FARP1: variants seen among roughly 807,000 people sequenced by gnomAD.
FARP1 encodes the protein FERM, ARH/RhoGEF and pleckstrin domain protein 1.
FARP1 carries 52 observed loss-of-function variants against 128.8 expected under a neutral mutation model. The ratio of observed to expected loss-of-function variants is 0.40; its 90% CI spans 0.32 to 0.51. The LOEUF (loss-of-function observed/expected upper bound fraction) is 0.51, where lower values mean the gene tolerates loss of function less well. Among genes scored for constraint, FARP1 ranks in the 20% least tolerant of loss-of-function variants. The pLI is 0.45. For synonymous variants in FARP1, 580 were observed against 551.8 expected (o/e 1.05, Z -0.72); for missense variants, 1,333 against 1,367.9 (o/e 0.97, Z 0.40).
intron 5 of FARP1, among the ~76,000 whole-genome samples, chr13:98,374,725 A>G (rs1361818913): frequency 6.6e-6 from 1 of 152,212 alleles, no homozygotes; most frequent in Non-Finnish European, 1.5e-5. Flanking sequence ...AGGGTAATTT[A>G]TAAAGAAAAA....
intron 2 of FARP1, among the ~76,000 whole-genome samples, chr13:98,214,592 A>G (rs1880947476): frequency 6.6e-6 from 1 of 152,174 alleles, no homozygotes; most frequent in Non-Finnish European, 1.5e-5. Flanking sequence ...TCAGCGAATT[A>G]TATTTATTTC....
In FARP1 at chr13:98,332,709, G is replaced by A. The variant is rs550687952; in HGVS notation, c.172-11053G>A. The A allele has an allele frequency of 7.9e-5, 12 of 152,260 alleles. No homozygotes were observed. In the South Asian group the frequency reaches 2.5e-3, roughly 32 times the overall value. The allele number at this position is 152,260 out of a possible 1,614,324, so 9.4% of individuals were successfully genotyped here. A position where few individuals can be genotyped will look rare whatever the true frequency, so the allele number is the denominator to read the frequency against. On this transcript the variant is annotated intron_variant, in intron 2 of 26. Coordinates refer to ENST00000319562, the MANE Select transcript of FARP1 (RefSeq NM_005766.4). ...TCCCAACTGACTATTTGAAAAAAAT[G>A]TTAAAAAAGTAGTTTCTGTAGAAAG...
intron 14 of FARP1, among the ~76,000 whole-genome samples, 198 bp downstream of exon 14, chr13:98,409,723 C>G (rs1463886691): frequency 3.3e-5 from 5 of 152,202 alleles, no homozygotes; most frequent in Non-Finnish European, 7.3e-5. Context: ...CTTATCTTCC[C>G]AAACAGAAAC....
intron 18 of FARP1, chr13:98,434,477 A>T (rs1892174330): frequency 6.6e-6 from 1 of 152,208 alleles, no homozygotes; most frequent in African/African-American, 2.4e-5. Context: ...TGCTGGGGGA[A>T]AGCAGTGAAA....
rs193005274 is a variant in FARP1, at chr13:98,451,006, G to A, written c.*2689G>A. The stretch of plus-strand genomic sequence containing the variant: ...CCACTTGTTGCTCTACGGGGGAAGG[G>A]GCTGAGTATGATTTGTCTGGCGACT... On this transcript the variant is annotated 3_prime_UTR_variant, in exon 27 of 27. Transcript: ENST00000319562. 4 of 152,270 alleles carry A rather than the reference G, an allele frequency of 2.6e-5. No homozygotes were observed. Among genetic ancestry groups the A allele is most frequent in the Admixed American group, 6.5e-5 (1 of 15,286 alleles). The allele number at this position is 152,270 out of a possible 1,614,324, so 9.4% of individuals were successfully genotyped here. A position where few individuals can be genotyped will look rare whatever the true frequency, so the allele number is the denominator to read the frequency against.
chr13:98,431,311 C>T (rs1204007130), intron 18 of FARP1, 31 bp downstream of exon 18: 7 of 1,483,778 alleles, frequency 4.7e-6, no homozygotes, highest in South Asian at 1.2e-5. Flanking sequence ...CCACCTGGTG[C>T]CCATGCCACA....
chr13:98,431,593 C>T, intron 18 of FARP1: 1 of 203,496 alleles, frequency 4.9e-6, no homozygotes, highest in East Asian at 1.2e-4. Context: ...TCTGGAGCAG[C>T]TAGGATTACA....
At chr13:98,309,446 A>G (rs1179837322) in intron 2 of FARP1, among the ~76,000 whole-genome samples, 5 of 151,290 alleles carry the variant, frequency 3.3e-5, no homozygotes, top group East Asian at 2.0e-4. Flanking sequence ...TGGGATTACA[A>G]GCGTGAGCCA....
chr13:98,414,466 A>G (rs2140126637), intron 16 of FARP1, among the ~76,000 whole-genome samples: 1 of 152,288 alleles, frequency 6.6e-6, no homozygotes, highest in South Asian at 2.1e-4. Context: ...TCCAAGGGAA[A>G]AAGGCTGAGT....
intron 17 of FARP1, 134 bp downstream of exon 17, chr13:98,424,784 CCCA>C (rs1242372706): frequency 2.9e-6 from 2 of 680,118 alleles, no homozygotes; most frequent in Non-Finnish European, 5.4e-6. Flanking sequence ...GCTTGTCCAA[CCCA>C]CCGCCGAGCA....
At chr13:98,290,768 T>C (rs1885412586) in intron 2 of FARP1, among the ~76,000 whole-genome samples, 1 of 152,058 alleles carries the variant, frequency 6.6e-6, no homozygotes, top group Admixed American at 6.5e-5. Context: ...GCTGACAAGA[T>C]CTCCTAAAGA....
intron 2 of FARP1, among the ~76,000 whole-genome samples, chr13:98,222,728 T>G (rs916492627): frequency 2.0e-5 from 3 of 151,522 alleles, no homozygotes; most frequent in African/African-American, 7.3e-5. Flanking sequence ...TTCAAGTGAT[T>G]CTCCTGCCTC....
chr13:98,184,958 C>T (rs562901595), intron 1 of FARP1, among the ~76,000 whole-genome samples: 1 of 152,288 alleles, frequency 6.6e-6, no homozygotes, highest in African/African-American at 2.4e-5. Context: ...TTGCCAGTTT[C>T]CGTGGTGTAA....
intron 13 of FARP1, chr13:98,403,421 A>G (rs991058707): frequency 6.6e-6 from 1 of 152,208 alleles, no homozygotes; most frequent in Non-Finnish European, 1.5e-5. Context: ...CCAACCATGG[A>G]TTTGCCTTTA....
chr13:98,272,085 A>G (rs1341160044), intron 2 of FARP1, among the ~76,000 whole-genome samples: 1 of 151,906 alleles, frequency 6.6e-6, no homozygotes, highest in Non-Finnish European at 1.5e-5. Context: ...GCTAGAGTGC[A>G]GTGGTGCGAT....
chr13:98,197,192 C>A (rs186495896), intron 1 of FARP1, among the ~76,000 whole-genome samples: 2 of 152,280 alleles, frequency 1.3e-5, no homozygotes, highest in African/African-American at 2.4e-5. Context: ...GTTGGCCAGG[C>A]GTGGTGGCTC....
At chr13:98,264,580 T>A (rs1884016082) in intron 2 of FARP1, among the ~76,000 whole-genome samples, 1 of 152,170 alleles carries the variant, frequency 6.6e-6, no homozygotes, top group East Asian at 1.9e-4. Context: ...AATCTGGATA[T>A]GCCAAAGAGA....
At chr13:98,355,204 G>C (rs886486106) in intron 3 of FARP1, among the ~76,000 whole-genome samples, 1 of 152,012 alleles carries the variant, frequency 6.6e-6, no homozygotes, top group Non-Finnish European at 1.5e-5. Context: ...AACTAGCCAG[G>C]CATGGTGGCT....
At chr13:98,261,115 G>A (rs776594812) in intron 2 of FARP1, among the ~76,000 whole-genome samples, 10 of 152,230 alleles carry the variant, frequency 6.6e-5, no homozygotes, top group Non-Finnish European at 1.2e-4. Context: ...GCATTGCTGC[G>A]TGGTGACAGC....
Sources: allele counts gnomAD v4.1 joint callset (sites outside exome capture counted in the v4.1 genomes callset), GRCh38; gene constraint gnomAD v4.1.1; transcripts MANE v1.5; gene names NCBI Gene and HGNC (gene_info 2026-07-23, HGNC 2026-07-21).